Variants in PDXDC1 observed in about 807,000 individuals in gnomAD.
The protein encoded by PDXDC1 is pyridoxal-dependent decarboxylase domain-containing protein 1.
In PDXDC1, 42 loss-of-function variants were observed where a neutral mutation model predicts 100.1. The ratio of observed to expected loss-of-function variants is 0.42; its 90% CI spans 0.33 to 0.54. The LOEUF (loss-of-function observed/expected upper bound fraction) is 0.54. Ranked by LOEUF, PDXDC1 falls within the 20% of genes least tolerant of loss-of-function variation. The probability of loss-of-function intolerance (pLI) is 0.10; values close to 1 mark genes in which losing one functional copy is unlikely to be tolerated. For missense variants in PDXDC1, 636 were observed against 979.2 expected, an observed-to-expected ratio of 0.65 and a Z score of 4.68; for synonymous variants, 260 against 371.7, an observed-to-expected ratio of 0.70 and a Z score of 3.46.
At chr16:15,051,509 G>A (rs556712864) in intron 16 of PDXDC1, among the ~76,000 whole-genome samples, 1 of 151,066 alleles carries the variant, frequency 6.6e-6, no homozygotes, top group South Asian at 2.1e-4. Flanking sequence ...GACACACCTG[G>A]CTAGTTTTTG....
chr16:15,144,259 C>T (rs969340537), downstream of PDXDC1, among the ~76,000 whole-genome samples: 10 of 152,218 alleles, frequency 6.6e-5, no homozygotes, highest in Non-Finnish European at 7.3e-5. Context: ...CTGGGCCAGC[C>T]GAGCCATGAC....
chr16:15,094,392 G>T, intron 16 of PDXDC1: 1 of 664,626 alleles, frequency 1.5e-6, no homozygotes, highest in Non-Finnish European at 2.6e-6. Flanking sequence ...GAGCGCCGCT[G>T]AAACCCGCTC....
At position 15,130,506 on chromosome 16, in the gene PDXDC1, A is replaced by G. The variant is rs2966196; in HGVS notation, c.1400-8373A>G. 255 of 1,353,616 alleles carry G rather than the reference A, an allele frequency of 1.9e-4. 1 individual carries two copies. The highest frequency in any genetic ancestry group is 1.1e-3 in the East Asian group (47 of 43,332). The allele number at this position is 1,353,616 out of a possible 1,614,324, so 83.9% of individuals were successfully genotyped here. A position where few individuals can be genotyped will look rare whatever the true frequency, so the allele number is the denominator to read the frequency against. On this transcript the variant is annotated intron_variant, in intron 16 of 16. Coordinates refer to the PDXDC1 transcript ENST00000535621. ...GAGCCCAGGCTCCGCCAGGTTGGAT[A>G]TCGGAGTCCCAGAGCCCATACCCGG...
intron 16 of PDXDC1, among the ~76,000 whole-genome samples, chr16:15,054,382 G>T (rs1342512551): frequency 6.6e-6 from 1 of 152,178 alleles, no homozygotes; most frequent in Non-Finnish European, 1.5e-5. Context: ...ACACTTAAGT[G>T]TGCAGCCCGG....
chr16:15,008,294 C>T (rs545923392), intron 6 of PDXDC1, among the ~76,000 whole-genome samples: 15 of 152,408 alleles, frequency 9.8e-5, no homozygotes, highest in East Asian at 5.8e-4. Context: ...CTGTCTCCTG[C>T]ATAACACTGA....
At chr16:15,014,405 A>AC (rs1295019801) in intron 8 of PDXDC1, among the ~76,000 whole-genome samples, 1 of 152,296 alleles carries the variant, frequency 6.6e-6, no homozygotes, top group Admixed American at 6.5e-5. Flanking sequence ...GTCAGCAGAC[A>AC]CATGTCAAGG....
intron 16 of PDXDC1, among the ~76,000 whole-genome samples, chr16:15,069,463 C>T (rs1029589406): frequency 4.6e-5 from 7 of 152,180 alleles, no homozygotes; most frequent in South Asian, 2.1e-4. Context: ...AACTAAAATA[C>T]ACTAATCTAA....
intron 1 of PDXDC1, among the ~76,000 whole-genome samples, chr16:14,996,951 A>G (rs1489115625): frequency 2.0e-5 from 3 of 152,396 alleles, no homozygotes; most frequent in South Asian, 2.1e-4. Flanking sequence ...TGATCTTACC[A>G]AAGACCAAGT....
intron 16 of PDXDC1, among the ~76,000 whole-genome samples, chr16:15,088,772 A>T (rs1456641636): frequency 2.0e-5 from 3 of 152,206 alleles, no homozygotes; most frequent in African/African-American, 7.2e-5. Context: ...GACCAAGCCA[A>T]CAGATAATAA....
chr16:15,147,888 T>C, the PDXDC1 span, among the ~76,000 whole-genome samples: 1 of 152,006 alleles, frequency 6.6e-6, no homozygotes, highest in Admixed American at 6.6e-5. Context: ...GGTTTCACCA[T>C]GTTGGTCAGG....
intron 16 of PDXDC1, among the ~76,000 whole-genome samples, chr16:15,115,236 TTTTTTC>T (rs1261046659): frequency 3.9e-5 from 5 of 128,886 alleles, no homozygotes; most frequent in Admixed American, 3.2e-4. Context: ...CCCAGCCATT[TTTTTTC>T]TTTTTGTTTG....
chr16:15,024,044 C>T (rs540210839), intron 13 of PDXDC1, among the ~76,000 whole-genome samples: 1 of 152,406 alleles, frequency 6.6e-6, no homozygotes, highest in South Asian at 2.1e-4. Context: ...GGCTTTTCCT[C>T]AGTCATCGCT....
intron 1 of PDXDC1, among the ~76,000 whole-genome samples, chr16:14,993,853 T>TA (rs1351046756): frequency 6.6e-6 from 1 of 152,304 alleles, no homozygotes; most frequent in African/African-American, 2.4e-5. Context: ...TGTGAGATGG[T>TA]ATCTCATTGT....
intron 16 of PDXDC1, chr16:15,056,069 C>A (rs961186310): frequency 1.7e-5 from 7 of 400,894 alleles, no homozygotes; most frequent in African/African-American, 1.3e-4. Flanking sequence ...CCGCGCGTCC[C>A]GCCTCGTCCT....
At chr16:15,139,687 A>C (rs377248842), downstream of PDXDC1, among the ~76,000 whole-genome samples, 1 of 152,086 alleles carries the variant, frequency 6.6e-6, no homozygotes, top group African/African-American at 2.4e-5. Flanking sequence ...GGGCTGAGGA[A>C]GAAGGATCGC....
At chr16:15,027,057 A>T (rs8045034) in intron 14 of PDXDC1, among the ~76,000 whole-genome samples, 2,174 of 151,704 alleles carry the variant, frequency 0.014, no homozygotes, top group Admixed American at 0.021. Context: ...CCCAAGTGCC[A>T]CCAGTCTAGT....
At chr16:15,024,407 T>C (rs1211495706) in intron 13 of PDXDC1, among the ~76,000 whole-genome samples, 1 of 139,574 alleles carries the variant, frequency 7.2e-6, no homozygotes, top group African/African-American at 2.7e-5. Context: ...TCCCCAATTC[T>C]TCTGTTTATT....
Position 15,072,753 on chromosome 16 carries a change from G to A in PDXDC1, c.1399+42697G>A, listed in dbSNP as rs534098683. 1.3e-4 allele frequency among the ~76,000 whole-genome samples: 20 copies of A among 152,270 alleles called. 1 individual carries two copies. In the South Asian group the frequency reaches 4.1e-3, roughly 32 times the overall value. The stretch of plus-strand genomic sequence containing the variant: ...GGAGGTTGCAGCAGTGGGCAGCAGA[G>A]CGAGACTGTGTCTCAAAAAAGAAAG... On this transcript the variant is annotated intron_variant, in intron 16 of 16. Transcript: ENST00000535621.
At chr16:15,148,370 A>ACTTT in the PDXDC1 span, among the ~76,000 whole-genome samples, 1 of 34,118 alleles carries the variant, frequency 2.9e-5, no homozygotes, top group Non-Finnish European at 5.1e-5. Flanking sequence ...AGATCCTGTG[A>ACTTT]TTTTTTTTTT....
Sources: allele counts gnomAD v4.1 joint callset (sites outside exome capture counted in the v4.1 genomes callset), GRCh38; gene constraint gnomAD v4.1.1; transcripts MANE v1.5; gene names NCBI Gene and HGNC (gene_info 2026-07-23, HGNC 2026-07-21).